Variants in SINHCAF observed in about 807,000 individuals in gnomAD.
SINHCAF encodes SIN3-HDAC complex-associated factor.
Under a neutral mutation model 25.8 loss-of-function variants are expected in SINHCAF, and 3 were observed. The ratio of observed to expected loss-of-function variants is 0.12; its 90% confidence interval spans 0.05 to 0.30. The LOEUF is 0.30. Ranked by LOEUF, SINHCAF falls within the 10% of genes least tolerant of loss-of-function variation. SINHCAF has a pLI of 1.00. For synonymous variants in SINHCAF, 70 were observed against 85.5 expected (o/e 0.82, Z 1.00); for missense variants, 121 against 262.3 (o/e 0.46, Z 3.72).
intron 4 of SINHCAF, among the ~76,000 whole-genome samples, chr12:31,290,295 C>T (rs1000279393): frequency 2.0e-5 from 3 of 152,042 alleles, no homozygotes; most frequent in African/African-American, 7.3e-5. Context: ...GTGTGCACTA[C>T]CACACCCAAC....
intron 4 of SINHCAF, among the ~76,000 whole-genome samples, chr12:31,289,229 T>C (rs1194319187): frequency 6.6e-6 from 1 of 152,060 alleles, no homozygotes; most frequent in Non-Finnish European, 1.5e-5. Context: ...AAAAAGAGAA[T>C]AGAGGTGAAA....
intron 2 of SINHCAF, among the ~76,000 whole-genome samples, chr12:31,296,128 A>T (rs930193036): frequency 6.6e-6 from 1 of 152,138 alleles, no homozygotes; most frequent in African/African-American, 2.4e-5. Flanking sequence ...ATTGCTGTTT[A>T]ATTAATCTTT....
chr12:31,314,047 A>C (rs1162332749), intron 1 of SINHCAF, among the ~76,000 whole-genome samples: 1 of 152,096 alleles, frequency 6.6e-6, no homozygotes, highest in East Asian at 1.9e-4. Context: ...CAACCACAGG[A>C]AGCATTCCTG....
chr12:31,288,437 A>T (rs1036126884), intron 4 of SINHCAF, among the ~76,000 whole-genome samples: 1 of 152,184 alleles, frequency 6.6e-6, no homozygotes, highest in Admixed American at 6.5e-5. Context: ...CCCAACACCT[A>T]TACCAGGGTG....
At chr12:31,286,296 A>G (rs1198114812) in intron 5 of SINHCAF, among the ~76,000 whole-genome samples, 2 of 151,876 alleles carry the variant, frequency 1.3e-5, no homozygotes, top group African/African-American at 4.8e-5. Flanking sequence ...TTTTTTTTAA[A>G]CCTTAAAGGA....
At chr12:31,307,898 AAG>A (rs1939102618) in intron 1 of SINHCAF, among the ~76,000 whole-genome samples, 1 of 152,154 alleles carries the variant, frequency 6.6e-6, no homozygotes, top group African/African-American at 2.4e-5. Context: ...CATGAACAGA[AAG>A]AGAGAAAGTT....
intron 1 of SINHCAF, among the ~76,000 whole-genome samples, chr12:31,312,371 T>A (rs1221123698): frequency 6.8e-6 from 1 of 147,706 alleles, no homozygotes; most frequent in African/African-American, 2.4e-5. Context: ...TGTGTGTGTG[T>A]GTGAGTGTGT....
chr12:31,292,985 A>G (rs751052201), intron 4 of SINHCAF, among the ~76,000 whole-genome samples: 1 of 152,176 alleles, frequency 6.6e-6, no homozygotes, highest in Non-Finnish European at 1.5e-5. Flanking sequence ...CAGAAAGTAT[A>G]TTCCTAACCT....
At chr12:31,299,132 G>A (rs943594507) in intron 1 of SINHCAF, among the ~76,000 whole-genome samples, 64 of 152,080 alleles carry the variant, frequency 4.2e-4, no homozygotes, top group Middle Eastern at 6.8e-3. Flanking sequence ...TGTACCTTAG[G>A]AAAAGTAATT....
At position 31,280,956 on chromosome 12, in the gene SINHCAF, G is replaced by C. The variant is rs1267960821; in HGVS notation, c.*1756C>G. 2.6e-5 allele frequency: 4 copies of C among 152,324 alleles called. No individual in the cohort carries two copies. In the East Asian group the frequency reaches 7.7e-4, roughly 29 times the overall value. The allele number at this position is 152,324 out of a possible 1,614,324, so 9.4% of individuals were successfully genotyped here. A position where few individuals can be genotyped will look rare whatever the true frequency, so the allele number is the denominator to read the frequency against. On this transcript the variant is annotated 3_prime_UTR_variant, in exon 6 of 6. Coordinates refer to ENST00000337682, the MANE Select transcript of SINHCAF (RefSeq NM_001135812.2). ...GAGAGCCAACTCAACTCACTGTATAGTCTGTGCATATGGTGGCTTGTAGCA... is the reference window on the plus strand; with the variant it reads ...GAGAGCCAACTCAACTCACTGTATACTCTGTGCATATGGTGGCTTGTAGCA...
chr12:31,298,443 T>C (rs1263157299), intron 1 of SINHCAF: 1 of 488,758 alleles, frequency 2.0e-6, no homozygotes, highest in Admixed American at 3.6e-5. Flanking sequence ...TAAGGAGGAC[T>C]CTACTACCTC....
chr12:31,313,934 C>T (rs1015994404), intron 1 of SINHCAF, among the ~76,000 whole-genome samples: 13 of 151,328 alleles, frequency 8.6e-5, no homozygotes, highest in Admixed American at 8.6e-4. Flanking sequence ...GGATTACAGG[C>T]GTGAGCCACC....
intron 1 of SINHCAF, among the ~76,000 whole-genome samples, chr12:31,312,520 A>T (rs1426975244): frequency 1.3e-5 from 2 of 152,188 alleles, no homozygotes; most frequent in East Asian, 1.9e-4. Context: ...TTTATTTCAG[A>T]TATTTGCCAA....
rs781301654 is a variant in SINHCAF at position 31,298,088 on chromosome 12, C to G, written c.117G>C (p.Gln39His). ...TDSKRYEKDF[Q>H]SCFGLHETRS... ...TCAGGTGATCTTACCCAAAACAGCT[C>G]TGGAAGTCCTTTTCATAGCGTTTAC... The change falls in exon 2 of 6, where the codon CAG (glutamine) becomes CAC (histidine). Residue 39 changes from glutamine (Q) to histidine (H), a missense_variant. Gln to His is a conservative substitution (Grantham distance 24, BLOSUM62 0). Transcript: ENST00000337682. 2.5e-6 allele frequency: 4 copies of G among 1,613,768 alleles called. No individual in the cohort carries two copies. In the African/African-American group the frequency reaches 5.3e-5, roughly 22 times the overall value.
intron 1 of SINHCAF, chr12:31,311,995 T>C (rs2137121923): frequency 7.0e-6 from 5 of 709,800 alleles, no homozygotes; most frequent in Non-Finnish European, 1.2e-5. Flanking sequence ...TTCAGCTAGC[T>C]GTTTGACAAA....
chr12:31,314,160 A>G (rs1264044557), intron 1 of SINHCAF, among the ~76,000 whole-genome samples: 1 of 152,050 alleles, frequency 6.6e-6, no homozygotes, highest in Non-Finnish European at 1.5e-5. Context: ...GTCACAGTCT[A>G]ACAAGTGGCA....
At chr12:31,317,251 G>C (rs187003379) in intron 1 of SINHCAF, among the ~76,000 whole-genome samples, 10 of 152,058 alleles carry the variant, frequency 6.6e-5, no homozygotes, top group African/African-American at 1.7e-4. Flanking sequence ...CCTCCCAAAT[G>C]AAACTATCCT....
chr12:31,311,761 G>T, intron 1 of SINHCAF: 1 of 504,454 alleles, frequency 2.0e-6, no homozygotes. Context: ...GAACATTTCT[G>T]GAGAAAGCCA....
intron 1 of SINHCAF, among the ~76,000 whole-genome samples, chr12:31,312,571 T>C (rs574947732): frequency 1.3e-5 from 2 of 152,358 alleles, no homozygotes; most frequent in South Asian, 4.1e-4. Context: ...GGTATCTCAG[T>C]GTGGTTTTGA....
Sources: allele counts gnomAD v4.1 joint callset (sites outside exome capture counted in the v4.1 genomes callset), GRCh38; gene constraint gnomAD v4.1.1; transcripts MANE v1.5; gene names NCBI Gene and HGNC (gene_info 2026-07-23, HGNC 2026-07-21).